Variants in CLPB observed in about 807,000 individuals in gnomAD.
CLPB encodes the protein ClpB family mitochondrial disaggregase.
In CLPB, 40 loss-of-function variants were observed where a neutral mutation model predicts 78.4. That is an observed-to-expected ratio of 0.51 (90% CI 0.40 to 0.66). CLPB has a LOEUF of 0.66. Among genes scored for constraint, CLPB ranks in the 30% least tolerant of loss-of-function variants. CLPB has a pLI of 0.00. For synonymous variants in CLPB, 333 were observed against 348.0 expected (o/e 0.96, Z 0.48); for missense variants, 780 against 886.9 (o/e 0.88, Z 1.53).
At chr11:72,359,140 T>C (rs1950784912) in intron 4 of CLPB, 132 bp from the exon 5 acceptor site, 1 of 1,395,864 alleles carries the variant, frequency 7.2e-7, no homozygotes, top group Admixed American at 1.8e-5. Flanking sequence ...GCACCTACTA[T>C]GTTCCTGGCC....
chr11:72,431,473 T>A (rs999090819), intron 1 of CLPB, among the ~76,000 whole-genome samples: 4 of 152,198 alleles, frequency 2.6e-5, no homozygotes, highest in African/African-American at 7.2e-5. Flanking sequence ...AGCCCACCTA[T>A]CTAACCTCCT....
At chr11:72,382,571 A>T (rs1854949837) in intron 3 of CLPB, among the ~76,000 whole-genome samples, 1 of 152,078 alleles carries the variant, frequency 6.6e-6, no homozygotes, top group African/African-American at 2.4e-5. Flanking sequence ...CTCCAAGCTT[A>T]ACCCTATGAA....
chr11:72,388,134 G>T (rs1565478850), intron 3 of CLPB, among the ~76,000 whole-genome samples: 2 of 152,078 alleles, frequency 1.3e-5, no homozygotes, highest in Admixed American at 6.5e-5. Flanking sequence ...ATCGACCCTG[G>T]GGCTGCTAAC....
chr11:72,425,024 C>T (rs1409619787), intron 2 of CLPB, among the ~76,000 whole-genome samples: 1 of 152,150 alleles, frequency 6.6e-6, no homozygotes, highest in African/African-American at 2.4e-5. Context: ...TGCAGTGAGC[C>T]GAGATCGTGC....
chr11:72,346,158 G>A (rs1366596806), intron 5 of CLPB, among the ~76,000 whole-genome samples: 2 of 152,124 alleles, frequency 1.3e-5, no homozygotes, highest in African/African-American at 2.4e-5. Context: ...AGAATAGCTC[G>A]TGCTTACAGT....
chr11:72,295,666 G>A lies in CLPB; in HGVS notation c.1330-18C>T. On this transcript the variant is annotated intron_variant, in intron 11 of 15. Transcript: ENST00000538039. ...AGCCGGCCCTGGGAAGGGAAGGAAG[G>A]GAGTGTACAGTCAGGGAGCTATGTG... 1 of 1,613,214 alleles carries A rather than the reference G, an allele frequency of 6.2e-7. No homozygotes were observed. Among genetic ancestry groups the A allele is most frequent in the Non-Finnish European group, 8.5e-7 (1 of 1,179,644 alleles).
At chr11:72,314,416 A>G (rs990302387) in intron 7 of CLPB, among the ~76,000 whole-genome samples, 3 of 152,026 alleles carry the variant, frequency 2.0e-5, no homozygotes, top group Non-Finnish European at 4.4e-5. Context: ...GTAATAAGCT[A>G]TTCTATAGTT....
At chr11:72,419,749 C>T (rs1440821250) in intron 2 of CLPB, among the ~76,000 whole-genome samples, 1 of 152,216 alleles carries the variant, frequency 6.6e-6, no homozygotes, top group Non-Finnish European at 1.5e-5. Context: ...CAAGCTCAAG[C>T]TTCCTCTGAC....
intron 2 of CLPB, among the ~76,000 whole-genome samples, chr11:72,413,347 G>A (rs1416981523): frequency 2.0e-5 from 3 of 151,116 alleles, no homozygotes; most frequent in Non-Finnish European, 4.4e-5. Flanking sequence ...CTCATATCCT[G>A]TTTACATTTT....
At chr11:72,370,060 G>T (rs1052844120) in intron 4 of CLPB, among the ~76,000 whole-genome samples, 2 of 152,140 alleles carry the variant, frequency 1.3e-5, no homozygotes, top group Non-Finnish European at 2.9e-5. Context: ...TAGGTGCCTG[G>T]AAAATTTCAG....
At chr11:72,425,087 A>G (rs1018962839) in intron 2 of CLPB, among the ~76,000 whole-genome samples, 1 of 152,142 alleles carries the variant, frequency 6.6e-6, no homozygotes, top group Non-Finnish European at 1.5e-5. Flanking sequence ...AAAACAACAA[A>G]AAAGTGTCTC....
intron 7 of CLPB, among the ~76,000 whole-genome samples, chr11:72,311,240 G>A (rs949210554): frequency 1.3e-5 from 2 of 152,106 alleles, no homozygotes; most frequent in African/African-American, 4.8e-5. Context: ...AAGGCTATGG[G>A]CCTTGAGGAT....
chr11:72,434,402 T>C lies in CLPB; in HGVS notation c.73A>G (p.Thr25Ala), dbSNP rs760759093. Residue 25 changes from threonine to alanine, a missense_variant, in exon 1 of 16, where the codon ACG becomes GCG. By Grantham distance (58) the Thr-to-Ala change is moderately conservative. Coordinates refer to ENST00000538039, the MANE Select transcript of CLPB (RefSeq NM_001258392.3). Reference protein sequence around the residue: ...RLLLRLLRSPTLRGHGGASGR... With the variant: ...RLLLRLLRSPALRGHGGASGR... ...GAAGCACCTCCATGGCCCCGGAGCG[T>C]TGGGGACCTGAGCAGCCGGAGGAGT... is the stretch of plus-strand genomic sequence containing the variant. 14 of 1,606,090 alleles carry C rather than the reference T, an allele frequency of 8.7e-6. No individual in the cohort carries two copies. The highest frequency in any genetic ancestry group is 6.6e-5 in the South Asian group (6 of 90,682).
intron 2 of CLPB, among the ~76,000 whole-genome samples, chr11:72,411,341 G>A (rs1445222579): frequency 6.6e-6 from 1 of 152,176 alleles, no homozygotes; most frequent in African/African-American, 2.4e-5. Context: ...CTCAGTCTCA[G>A]GGCTGAGGAC....
intron 3 of CLPB, 94 bp from the exon 4 acceptor site, chr11:72,380,478 T>C (rs1590871625): frequency 2.2e-6 from 2 of 912,590 alleles, no homozygotes; most frequent in East Asian, 5.2e-5. Flanking sequence ...ACTGGAGCTG[T>C]CTCTGCTCAT....
At chr11:72,329,229 G>A (rs1950180056) in intron 6 of CLPB, among the ~76,000 whole-genome samples, 1 of 152,156 alleles carries the variant, frequency 6.6e-6, no homozygotes, top group Non-Finnish European at 1.5e-5. Flanking sequence ...TTCTATACTA[G>A]GCTTTCTGGA....
At chr11:72,294,786 G>A in intron 12 of CLPB, 93 bp from the exon 13 acceptor site, 1 of 1,036,396 alleles carries the variant, frequency 9.6e-7, no homozygotes, top group East Asian at 2.4e-5. Context: ...AAAGAGCCCT[G>A]GTCCTGTCCA....
At chr11:72,362,390 G>GC (rs965859614) in intron 4 of CLPB, among the ~76,000 whole-genome samples, 3 of 152,146 alleles carry the variant, frequency 2.0e-5, no homozygotes, top group African/African-American at 7.2e-5. Context: ...CTTCTCCATT[G>GC]CCCAGCAGTG....
intron 8 of CLPB, 46 bp from the exon 9 acceptor site, chr11:72,307,300 AACC>A: frequency 6.7e-7 from 1 of 1,503,402 alleles, no homozygotes; most frequent in Non-Finnish European, 9.3e-7. Flanking sequence ...CCAGGTGACT[AACC>A]GCTGGAATGA....
Sources: gnomAD v4.1 joint callset for allele counts (sites outside exome capture counted in the v4.1 genomes callset) on GRCh38, gnomAD v4.1.1 for gene constraint, MANE v1.5 for transcripts, NCBI Gene and HGNC (gene_info 2026-07-23, HGNC 2026-07-21) for gene names.